TRIM69: variants seen among roughly 807,000 people sequenced by gnomAD.
TRIM69 encodes E3 ubiquitin-protein ligase TRIM69.
Under a neutral mutation model 37.7 loss-of-function variants are expected in TRIM69, and 29 were observed. That is an observed-to-expected ratio of 0.77 (90% confidence interval 0.57 to 1.05). The LOEUF (loss-of-function observed/expected upper bound fraction) is 1.05. Among genes scored for constraint, TRIM69 ranks in the 50% least tolerant of loss-of-function variants. The pLI is 0.00. For synonymous variants in TRIM69, 209 were observed against 212.4 expected, an observed-to-expected ratio of 0.98 and a Z score of 0.14; for missense variants, 596 against 579.9, an observed-to-expected ratio of 1.03 and a Z score of -0.28.
chr15:44,739,258 C>T (rs1366140978), intron 1 of TRIM69, among the ~76,000 whole-genome samples: 2 of 152,192 alleles, frequency 1.3e-5, no homozygotes, highest in African/African-American at 4.8e-5. Flanking sequence ...GCCAAGATGG[C>T]TGAATAGGAA....
intron 1 of TRIM69, among the ~76,000 whole-genome samples, chr15:44,746,668 C>T (rs2087413714): frequency 6.6e-6 from 1 of 151,982 alleles, no homozygotes; most frequent in Non-Finnish European, 1.5e-5. Context: ...CTGATTAATG[C>T]TGAAAGTCCA....
At chr15:44,740,321 C>T (rs145505639) in intron 1 of TRIM69, among the ~76,000 whole-genome samples, 2,802 of 152,278 alleles carry the variant, frequency 0.018, 84 homozygotes, top group African/African-American at 0.062. Context: ...AAAAGCAGAG[C>T]GCCTCTCTTC....
intron 6 of TRIM69, among the ~76,000 whole-genome samples, chr15:44,766,221 A>C (rs1403653310): frequency 6.6e-6 from 1 of 152,216 alleles, no homozygotes; most frequent in Admixed American, 6.5e-5. Flanking sequence ...ACTGACATAA[A>C]ATTACTGTCA....
At chr15:44,742,946 C>G (rs1338958699) in intron 1 of TRIM69, among the ~76,000 whole-genome samples, 1 of 151,382 alleles carries the variant, frequency 6.6e-6, no homozygotes, top group East Asian at 1.9e-4. Flanking sequence ...ACTTTCTTCA[C>G]AGAATTGGAA....
At position 44,741,694 on chromosome 15, in the gene TRIM69, T is replaced by C. The variant is rs554236818; in HGVS notation, c.6+4984T>C. Among the ~76,000 whole-genome samples the C allele has an allele frequency of 3.0e-3, 452 of 152,222 alleles. 4 individuals are homozygous for C. Among genetic ancestry groups the C allele is most frequent in the African/African-American group, 0.01 (434 of 41,542 alleles). ...TCAGAGAATACTACAAACACCTCTA[T>C]GCAAATAAACTAGAAAATCTAGAAG... is the stretch of plus-strand genomic sequence containing the variant. On this transcript the variant is annotated intron_variant, in intron 1 of 6. Coordinates refer to ENST00000329464, the MANE Select transcript of TRIM69 (RefSeq NM_182985.5).
intron 2 of TRIM69, 56 bp from the exon 3 acceptor site, chr15:44,756,312 T>C: frequency 7.8e-7 from 1 of 1,285,098 alleles, no homozygotes; most frequent in Admixed American, 2.0e-5. Context: ...GAAGATGTCC[T>C]TTATGGTCCT....
Position 44,736,558 on chromosome 15 carries a change from C to A in TRIM69, c.-147C>A. 1.2e-6 allele frequency: 1 copy of A among 828,254 alleles called. No homozygotes were observed. Among genetic ancestry groups the A allele is most frequent in the Non-Finnish European group, 1.8e-6 (1 of 554,834 alleles). 51.3% of individuals were successfully genotyped at this position (828,254 alleles called of 1,614,324 possible). On this transcript the variant is annotated 5_prime_UTR_variant, in exon 1 of 7. Coordinates refer to ENST00000329464, the MANE Select transcript of TRIM69 (RefSeq NM_182985.5). The stretch of plus-strand genomic sequence containing the variant: ...TCACTCTGGCCTTGCTGCTTCTCTC[C>A]AGCTCCTGAACTTTTCTTTCTTCCA...
At chr15:44,764,069 T>C (rs2087837904) in intron 6 of TRIM69, among the ~76,000 whole-genome samples, 1 of 152,200 alleles carries the variant, frequency 6.6e-6, no homozygotes, top group African/African-American at 2.4e-5. Context: ...GCCACAGCCT[T>C]GAGAGAATCC....
At chr15:44,753,166 A>G (rs1022904262) in intron 1 of TRIM69, 3 of 152,124 alleles carry the variant, frequency 2.0e-5, no homozygotes, top group Non-Finnish European at 2.9e-5. Context: ...GACTCCTTTT[A>G]GCATTTCTTC....
At chr15:44,736,788 G>T (rs2087172311) in intron 1 of TRIM69, 78 bp downstream of exon 1, 1 of 1,538,236 alleles carries the variant, frequency 6.5e-7, no homozygotes, top group Non-Finnish European at 8.8e-7. Flanking sequence ...AAGAGGATAT[G>T]GATTTAGGAG....
At chr15:44,744,853 T>TA (rs143873234) in intron 1 of TRIM69, among the ~76,000 whole-genome samples, 8,234 of 152,216 alleles carry the variant, frequency 0.054, 238 homozygotes, top group Non-Finnish European at 0.061. Context: ...ATGAGATGGC[T>TA]ACCCTGGAGG....
intron 1 of TRIM69, 75 bp downstream of exon 1, chr15:44,736,785 T>C (rs1330480596): frequency 1.3e-6 from 2 of 1,564,000 alleles, no homozygotes; most frequent in Non-Finnish European, 1.7e-6. Flanking sequence ...TAGAAGAGGA[T>C]ATGGATTTAG....
intron 6 of TRIM69, among the ~76,000 whole-genome samples, chr15:44,761,880 A>G (rs1336008879): frequency 6.6e-6 from 1 of 152,148 alleles, no homozygotes; most frequent in Admixed American, 6.5e-5. Context: ...TTGTTGTATT[A>G]TTAAGTTGTA....
rs778222955 is a variant in TRIM69, at chr15:44,755,116, G to T, written c.223G>T (p.Glu75Ter). The T allele has an allele frequency of 3.1e-6, 5 of 1,614,186 alleles. No homozygotes were observed. The highest frequency in any genetic ancestry group is 4.2e-6 in the Non-Finnish European group (5 of 1,180,034). ...AGACTTTTGGAGGCTGCAAGCAAAG[G>T]AAACATTCTGTCCTGAGTGTAAGAT... is the stretch of plus-strand genomic sequence containing the variant. Reference protein sequence around the residue: ...IQDFWRLQAKETFCPECKMLC... With the variant: ...IQDFWRLQAK The change falls in exon 2 of 7, where the codon GAA (glutamate) becomes TAA (stop). Residue 75 changes from glutamate to a stop codon, truncating the protein, a stop_gained. Coordinates refer to ENST00000329464, the MANE Select transcript of TRIM69 (RefSeq NM_182985.5). LOFTEE classifies it high-confidence loss of function.
At chr15:44,754,615 G>C (rs1368923856) in intron 1 of TRIM69, 3 of 353,830 alleles carry the variant, frequency 8.5e-6, no homozygotes, top group African/African-American at 6.3e-5. Context: ...ACTTTCAAAA[G>C]ACACTTGGGG....
chr15:44,738,724 A>C (rs1566886262), intron 1 of TRIM69, among the ~76,000 whole-genome samples: 1 of 152,236 alleles, frequency 6.6e-6, no homozygotes, highest in East Asian at 1.9e-4. Flanking sequence ...TCTGAGACCC[A>C]CTACTTAATA....
chr15:44,761,697 T>G (rs1041822023), intron 6 of TRIM69, among the ~76,000 whole-genome samples: 11 of 152,212 alleles, frequency 7.2e-5, no homozygotes, highest in African/African-American at 2.2e-4. Flanking sequence ...ACTCCTGGCC[T>G]TAAGTGATCC....
At chr15:44,760,949 G>A (rs957214342) in intron 6 of TRIM69, among the ~76,000 whole-genome samples, 5 of 149,116 alleles carry the variant, frequency 3.4e-5, no homozygotes, top group African/African-American at 5.0e-5. Context: ...ATGGAGTCTC[G>A]CTCTGTTGCC....
rs548226804 is a variant in TRIM69 at position 44,759,397 on chromosome 15, G to A, written c.814-243G>A. Among the ~76,000 whole-genome samples the A allele has an allele frequency of 9.3e-4, 141 of 152,306 alleles. 4 individuals carry two copies. The highest frequency in any genetic ancestry group is 6.5e-3 in the Admixed American group (99 of 15,290). On this transcript the variant is annotated intron_variant, in intron 4 of 6. Coordinates refer to ENST00000329464, the MANE Select transcript of TRIM69 (RefSeq NM_182985.5). Reference sequence around the variant, plus strand: ...ATAGGTAAAGATAGCTTAACCTTAAGTATTGTCTTATTGGCTTCTGTCTTG... The same window carrying A: ...ATAGGTAAAGATAGCTTAACCTTAAATATTGTCTTATTGGCTTCTGTCTTG...
Sources: allele counts gnomAD v4.1 joint callset (sites outside exome capture counted in the v4.1 genomes callset), GRCh38; gene constraint gnomAD v4.1.1; transcripts MANE v1.5; gene names NCBI Gene and HGNC (gene_info 2026-07-23, HGNC 2026-07-21).